Variants in CBL observed in about 807,000 individuals in gnomAD.
The protein encoded by CBL is Cbl proto-oncogene.
Under a neutral mutation model 96.9 loss-of-function variants are expected in CBL, and 45 were observed. That is an observed-to-expected ratio of 0.46 (90% confidence interval 0.37 to 0.60). The LOEUF is 0.60. CBL is among the 20% of genes least tolerant of loss of function. The probability of loss-of-function intolerance (pLI) is 0.00; values close to 1 mark genes in which losing one functional copy is unlikely to be tolerated. For synonymous variants in CBL, 420 were observed against 426.8 expected, an observed-to-expected ratio of 0.98 and a Z score of 0.20; for missense variants, 1,024 against 1,143.5, an observed-to-expected ratio of 0.90 and a Z score of 1.51.
At chr11:119,228,249 AG>A (rs1406383298) in intron 1 of CBL, among the ~76,000 whole-genome samples, 9 of 152,180 alleles carry the variant, frequency 5.9e-5, no homozygotes, top group Admixed American at 2.6e-4. Flanking sequence ...CTGGGACCAC[AG>A]GTGCCCACCA....
At chr11:119,214,211 G>T (rs909606244) in intron 1 of CBL, among the ~76,000 whole-genome samples, 6 of 151,700 alleles carry the variant, frequency 4.0e-5, no homozygotes, top group Non-Finnish European at 8.8e-5. Flanking sequence ...CCAAAGTGCT[G>T]GGATTACAGG....
rs2135303674 is a variant in CBL, at chr11:119,278,208, C to T, written c.1138C>T (p.Leu380=). ...CTGTGAGATGGGCTCCACATTCCAA[C>T]TATGTAAAATATGTGCTGAAAATGA... ...LYCEMGSTFQ[L]CKICAENDKD... The change falls in exon 8 of 16, where the codon CTA becomes TTA. Residue 380 remains leucine, a synonymous_variant. Transcript: ENST00000264033. The T allele has an allele frequency of 1.9e-6, 3 of 1,611,096 alleles. No individual in the cohort carries two copies. The highest frequency in any genetic ancestry group is 1.7e-6 in the Non-Finnish European group (2 of 1,177,338).
intron 3 of CBL, 56 bp downstream of exon 3, chr11:119,271,937 TCTTTA>T: frequency 1.3e-6 from 2 of 1,551,552 alleles, no homozygotes; most frequent in Non-Finnish European, 1.8e-6. Flanking sequence ...ACGAGTTTTT[TCTTTA>T]CTTTTTTACT....
In CBL at chr11:119,305,340, A is replaced by C. The variant is rs981626550; in HGVS notation, c.*5559A>C. 4 of 231,948 alleles carry C rather than the reference A, an allele frequency of 1.7e-5. No individual in the cohort carries two copies. Among genetic ancestry groups the C allele is most frequent in the African/African-American group, 8.8e-5 (4 of 45,198 alleles). The allele number at this position is 231,948 out of a possible 1,614,324, so 14.4% of individuals were successfully genotyped here. ...TCCTGGGTAGCCTTCCTTAGCCTCC[A>C]TTCAGCCTCAGGTCTTTTGCCTTCT... On this transcript the variant is annotated 3_prime_UTR_variant, in exon 16 of 16. Transcript: ENST00000264033.
At chr11:119,224,351 C>G (rs1468915921) in intron 1 of CBL, among the ~76,000 whole-genome samples, 1 of 151,942 alleles carries the variant, frequency 6.6e-6, no homozygotes, top group African/African-American at 2.4e-5. Flanking sequence ...GGGCACAGAC[C>G]ACCCCACGTC....
In CBL at chr11:119,242,741, TA is replaced by T. The variant is rs34339877; in HGVS notation, c.443+10066del. On this transcript the variant is annotated intron_variant, in intron 2 of 15. Transcript: ENST00000264033. ...GTGACTGAATAAGGCCCTGACTCTT[TA>T]AAAAAAAAAAAAAAAAAAAGAAACC... is the stretch of plus-strand genomic sequence containing the variant. Among the ~76,000 whole-genome samples, 292 of 117,942 alleles carry T rather than the reference TA, an allele frequency of 2.5e-3. 1 individual carries two copies. The highest frequency in any genetic ancestry group is 4.7e-3 in the Middle Eastern group (1 of 212). 77.4% of individuals were successfully genotyped at this position (117,942 alleles called of 152,430 possible).
Position 119,299,871 on chromosome 11 carries a change from G to A in CBL, c.*90G>A. On this transcript the variant is annotated 3_prime_UTR_variant, in exon 16 of 16. Coordinates refer to ENST00000264033, the MANE Select transcript of CBL (RefSeq NM_005188.4). ...CTAGAAGGGCAGGAGTTCCTTTGGT[G>A]ACTTCACAGTGAAGTCTTGCCCTCT... 7.9e-7 allele frequency: 1 copy of A among 1,272,890 alleles called. No homozygotes were observed. The allele number at this position is 1,272,890 out of a possible 1,614,324, so 78.8% of individuals were successfully genotyped here.
At chr11:119,293,760 T>C (rs764239419) in intron 12 of CBL, among the ~76,000 whole-genome samples, 3 of 152,202 alleles carry the variant, frequency 2.0e-5, no homozygotes, top group Non-Finnish European at 4.4e-5. Context: ...AAAAGAAGTT[T>C]ATTTAGCCCA....
intron 2 of CBL, among the ~76,000 whole-genome samples, chr11:119,239,704 G>A (rs539095668): frequency 1.3e-5 from 2 of 152,060 alleles, no homozygotes; most frequent in South Asian, 4.1e-4. Flanking sequence ...GAGTATATTA[G>A]CTGTGAGATT....
In CBL at chr11:119,264,154, T is replaced by G. The variant is rs543832218; in HGVS notation, c.444-7581T>G. Among the ~76,000 whole-genome samples the G allele has an allele frequency of 2.6e-5, 4 of 152,356 alleles. No individual in the cohort carries two copies. The East Asian group carries it at 7.7e-4, about 29-fold the overall frequency. On this transcript the variant is annotated intron_variant, in intron 2 of 15. Transcript: ENST00000264033. ...CTTGGAATTTTCCTCTTGAGAACGA[T>G]AGGATCATTTGATTTACAAATATTG...
chr11:119,246,650 C>G (rs2135276685), intron 2 of CBL, among the ~76,000 whole-genome samples: 1 of 152,276 alleles, frequency 6.6e-6, no homozygotes, highest in African/African-American at 2.4e-5. Context: ...TGAGGTTTCA[C>G]CATGTTGGCC....
At chr11:119,273,140 C>T (rs1298339689) in intron 3 of CBL, among the ~76,000 whole-genome samples, 1 of 152,130 alleles carries the variant, frequency 6.6e-6, no homozygotes, top group Non-Finnish European at 1.5e-5. Context: ...AGCTAATTTG[C>T]AGAGACAGGA....
At chr11:119,258,164 GT>G (rs1237289708) in intron 2 of CBL, among the ~76,000 whole-genome samples, 39 of 152,150 alleles carry the variant, frequency 2.6e-4, no homozygotes, top group Non-Finnish European at 4.0e-4. Flanking sequence ...GGAGGCGGAG[GT>G]TGCAGTGAGC....
At chr11:119,270,231 T>C (rs954242500) in intron 2 of CBL, among the ~76,000 whole-genome samples, 2 of 147,796 alleles carry the variant, frequency 1.4e-5, no homozygotes, top group Non-Finnish European at 3.0e-5. Context: ...TAAATGGTAC[T>C]GTGTGACATC....
intron 6 of CBL, among the ~76,000 whole-genome samples, chr11:119,276,968 G>A (rs1189007151): frequency 2.0e-5 from 3 of 152,090 alleles, no homozygotes; most frequent in Admixed American, 6.5e-5. Flanking sequence ...AAGTTAAGCC[G>A]GGTGCAGTGG....
At chr11:119,243,349 T>C (rs770695327) in intron 2 of CBL, among the ~76,000 whole-genome samples, 15 of 151,992 alleles carry the variant, frequency 9.9e-5, no homozygotes, top group Non-Finnish European at 1.8e-4. Flanking sequence ...TATTTATTTT[T>C]AAAGAGAGAT....
At chr11:119,222,774 T>A (rs1447797411) in intron 1 of CBL, among the ~76,000 whole-genome samples, 3 of 152,224 alleles carry the variant, frequency 2.0e-5, no homozygotes, top group Admixed American at 1.3e-4. Context: ...GTTTGTTAAC[T>A]ATTGACTTGA....
chr11:119,250,272 C>G (rs541449221), intron 2 of CBL, among the ~76,000 whole-genome samples: 1 of 152,018 alleles, frequency 6.6e-6, no homozygotes, highest in Admixed American at 6.6e-5. Flanking sequence ...GATTTTTTTC[C>G]TCTCTTGTCC....
chr11:119,288,084 A>G, intron 12 of CBL, 138 bp downstream of exon 12: 1 of 678,702 alleles, frequency 1.5e-6, no homozygotes, highest in Non-Finnish European at 2.6e-6. Flanking sequence ...ATTATATTTT[A>G]TGTTTTAGAG....
Sources: allele counts gnomAD v4.1 joint callset (sites outside exome capture counted in the v4.1 genomes callset), GRCh38; gene constraint gnomAD v4.1.1; transcripts MANE v1.5; gene names NCBI Gene and HGNC (gene_info 2026-07-23, HGNC 2026-07-21).